Variants in SPATA31C1 observed in about 807,000 individuals in gnomAD.
SPATA31C1 encodes the protein SPATA31 subfamily C member 1, also known as spermatogenesis-associated protein 31C1.
At chr9:87,922,371 C>A (rs912362190) in exon 5 of SPATA31C1, 1 of 1,610,622 alleles carries the variant, frequency 6.2e-7, no homozygotes, top group Non-Finnish European at 8.5e-7. Flanking sequence ...GAGAGCAAAC[C>A]TCCAAGCCAC....
chr9:87,919,587 G>A (rs1211118413), intron 3 of SPATA31C1, among the ~76,000 whole-genome samples: 1 of 84,330 alleles, frequency 1.2e-5, no homozygotes, highest in Non-Finnish European at 2.3e-5. Flanking sequence ...GCCTGGATGC[G>A]GAGGGGGGTG....
Position 87,915,689 on chromosome 9 carries a change from T to C in SPATA31C1, n.189+979T>C, listed in dbSNP as rs533280573. ...TAACTGCTCCAGAACCACTGTACTA[T>C]TGAACTGATATTGCACTTTTTTCAA... On this transcript the variant is annotated intron_variant and non_coding_transcript_variant, in intron 1 of 4. Transcript: ENST00000420021. 6.4e-4 allele frequency among the ~76,000 whole-genome samples: 92 copies of C among 143,758 alleles called. 5 individuals are homozygous for C. The highest frequency in any genetic ancestry group is 2.1e-3 in the African/African-American group (84 of 39,564). 94.3% of individuals were successfully genotyped at this position (143,758 alleles called of 152,430 possible). A position where few individuals can be genotyped will look rare whatever the true frequency, so the allele number is the denominator to read the frequency against.
exon 5 of SPATA31C1, chr9:87,922,161 C>T (rs564932037): frequency 8.7e-6 from 14 of 1,613,284 alleles, no homozygotes; most frequent in South Asian, 6.6e-5. Flanking sequence ...GAGGGCCCCG[C>T]GAGGGATCCC....
chr9:87,921,607 G>A (rs1475043994), exon 5 of SPATA31C1: 1 of 1,611,928 alleles, frequency 6.2e-7, no homozygotes, highest in East Asian at 2.2e-5. Context: ...GACTCAGGAA[G>A]TGATTTATTA....
At chr9:87,923,282 CAAG>C in exon 5 of SPATA31C1, 1 of 1,603,838 alleles carries the variant, frequency 6.2e-7, no homozygotes, top group Non-Finnish European at 8.5e-7. Context: ...AAGCCACTCT[CAAG>C]AACCAGAGTC....
exon 5 of SPATA31C1, chr9:87,921,898 G>A (rs1828882746): frequency 6.2e-7 from 1 of 1,611,920 alleles, no homozygotes; most frequent in Admixed American, 1.7e-5. Context: ...GCCAAACACA[G>A]GTGGGGTCTA....
At chr9:87,920,136 G>A (rs1828812807) in intron 4 of SPATA31C1, 116 bp from the exon 4 acceptor site, 19 of 1,599,118 alleles carry the variant, frequency 1.2e-5, no homozygotes, top group East Asian at 2.2e-5. Context: ...GGGTGGTCAG[G>A]GTGTGGCGTG....
At position 87,919,363 on chromosome 9, in the gene SPATA31C1, G is replaced by C. The variant is rs750165353; in HGVS notation, n.580+15G>C. ...CAGTCTGAGAGGTAAGGCTCTGCCA[G>C]GGCACACTAGAGTTAATTTGATCTC... On this transcript the variant is annotated intron_variant and non_coding_transcript_variant, in intron 3 of 4. Transcript: ENST00000420021. The C allele has an allele frequency of 1.9e-6, 3 of 1,601,892 alleles. No homozygotes were observed. Among genetic ancestry groups the C allele is most frequent in the African/African-American group, 2.7e-5 (2 of 74,160 alleles).
At chr9:87,918,886 C>G (rs1262942220) in intron 2 of SPATA31C1, 1 of 348,100 alleles carries the variant, frequency 2.9e-6, no homozygotes, top group African/African-American at 2.2e-5. Flanking sequence ...ATTCTCCTGT[C>G]TTAGCGTCCT....
intron 1 of SPATA31C1, among the ~76,000 whole-genome samples, chr9:87,916,240 A>G (rs566410208): frequency 7.4e-6 from 1 of 135,858 alleles, no homozygotes; most frequent in Admixed American, 7.2e-5. Flanking sequence ...AGATGGAGGA[A>G]GACTCCATCT....
At chr9:87,916,283 G>A (rs1409012301) in intron 1 of SPATA31C1, among the ~76,000 whole-genome samples, 1 of 143,774 alleles carries the variant, frequency 7.0e-6, no homozygotes, top group Non-Finnish European at 1.5e-5. Context: ...ATATCTCAAT[G>A]TAAAAATATG....
exon 5 of SPATA31C1, chr9:87,922,515 G>C (rs1280769753): frequency 6.2e-7 from 1 of 1,610,686 alleles, no homozygotes; most frequent in African/African-American, 1.3e-5. Flanking sequence ...GCCTGGAATG[G>C]CCACGAAGTC....
intron 2 of SPATA31C1, 62 bp from the exon 2 acceptor site, chr9:87,919,193 G>C (rs759150361): frequency 6.3e-7 from 1 of 1,595,790 alleles, no homozygotes; most frequent in Non-Finnish European, 8.6e-7. Context: ...AGTGCAGCGT[G>C]CTGCGGCTGG....
intron 1 of SPATA31C1, among the ~76,000 whole-genome samples, chr9:87,916,345 A>G (rs1263783438): frequency 1.9e-4 from 28 of 147,084 alleles, no homozygotes; most frequent in Non-Finnish European, 3.6e-4. Context: ...TAATTATTAG[A>G]CATGACACCA....
At position 87,921,805 on chromosome 9, in the gene SPATA31C1, C is replaced by T. The variant is rs534730694; in HGVS notation, n.2195C>T. The T allele has an allele frequency of 5.0e-6, 8 of 1,612,034 alleles. No homozygotes were observed. The African/African-American group carries it at 5.3e-5, about 11-fold the overall frequency. On this transcript the variant is annotated non_coding_transcript_exon_variant, in exon 5 of 5. Transcript: ENST00000420021. ...CTAGCAGCCCCGAAAAGTAGGAAAG[C>T]CTGTGTAAACACAGCCCAGGTGCTT...
At chr9:87,915,365 C>T (rs549998797) in intron 1 of SPATA31C1, among the ~76,000 whole-genome samples, 44 of 144,324 alleles carry the variant, frequency 3.0e-4, no homozygotes, top group African/African-American at 9.9e-4. Context: ...TGAAATGGAG[C>T]GATACCGGCT....
At chr9:87,923,187 CCA>C in exon 5 of SPATA31C1, 3 of 1,603,328 alleles carry the variant, frequency 1.9e-6, no homozygotes, top group Non-Finnish European at 2.6e-6. Flanking sequence ...GTTTCAAGCC[CCA>C]GTCTGTGGGT....
exon 5 of SPATA31C1, chr9:87,921,755 C>T (rs1396030208): frequency 6.2e-6 from 10 of 1,611,938 alleles, no homozygotes; most frequent in Non-Finnish European, 8.5e-6. Context: ...TTCCCGTATC[C>T]AACACCCACG....
chr9:87,917,277 G>A (rs1482800783), intron 1 of SPATA31C1, among the ~76,000 whole-genome samples: 1 of 146,130 alleles, frequency 6.8e-6, no homozygotes, highest in African/African-American at 2.4e-5. Context: ...AGCAGGGCGT[G>A]GTGGTGGTGG....
Sources: gnomAD v4.1 joint callset for allele counts (sites outside exome capture counted in the v4.1 genomes callset) on GRCh38, gnomAD v4.1.1 for gene constraint, MANE v1.5 for transcripts, NCBI Gene and HGNC (gene_info 2026-07-23, HGNC 2026-07-21) for gene names.